NEK11: variants seen among roughly 807,000 people sequenced by gnomAD.
The protein encoded by NEK11 is serine/threonine-protein kinase Nek11.
NEK11 carries 72 observed loss-of-function variants against 80.7 expected under a neutral mutation model. The ratio of observed to expected loss-of-function variants is 0.89; its 90% CI spans 0.74 to 1.08. The LOEUF (loss-of-function observed/expected upper bound fraction) is 1.08, where lower values mean the gene tolerates loss of function less well. NEK11 is among the 50% of genes least tolerant of loss of function. NEK11 has a pLI of 0.00. For synonymous variants in NEK11, 251 were observed against 260.7 expected (o/e 0.96, Z 0.36); for missense variants, 764 against 763.6 (o/e 1.00, Z -0.01).
chr3:131,139,253 G>C (rs904560273), intron 7 of NEK11, among the ~76,000 whole-genome samples: 2 of 150,902 alleles, frequency 1.3e-5, no homozygotes, highest in Non-Finnish European at 2.9e-5. Context: ...GAATGCATCA[G>C]AGTCTCTTAA....
intron 17 of NEK11, among the ~76,000 whole-genome samples, chr3:131,298,737 T>C (rs2096628525): frequency 6.6e-6 from 1 of 152,072 alleles, no homozygotes; most frequent in East Asian, 1.9e-4. Flanking sequence ...TGTTTCTTTT[T>C]GGTGTTTATC....
intron 4 of NEK11, among the ~76,000 whole-genome samples, chr3:131,095,095 G>A (rs1002673931): frequency 1.4e-4 from 22 of 152,036 alleles, no homozygotes; most frequent in Non-Finnish European, 3.2e-4. Context: ...TTCATCATAG[G>A]TAATTTGACT....
chr3:131,257,030 G>A (rs1413185014), intron 16 of NEK11, among the ~76,000 whole-genome samples: 1 of 151,948 alleles, frequency 6.6e-6, no homozygotes, highest in African/African-American at 2.4e-5. Context: ...TATTGCCTGT[G>A]CTGGAGTACA....
intron 3 of NEK11, among the ~76,000 whole-genome samples, chr3:131,065,284 T>C (rs2071708358): frequency 6.6e-6 from 1 of 152,268 alleles, no homozygotes. Context: ...GTTGTAAGTC[T>C]TAAATGAATG....
intron 3 of NEK11, among the ~76,000 whole-genome samples, chr3:131,042,210 T>TG (rs1012499756): frequency 6.1e-5 from 7 of 113,928 alleles, no homozygotes; most frequent in Non-Finnish European, 1.6e-4. Flanking sequence ...TTTTGTTTTT[T>TG]GTTTTTTTTT....
chr3:131,279,161 A>C (rs887098340), intron 17 of NEK11, among the ~76,000 whole-genome samples: 10 of 152,020 alleles, frequency 6.6e-5, no homozygotes, highest in South Asian at 2.1e-4. Context: ...ACCTGAGGTC[A>C]GGAGTTTGAG....
intron 3 of NEK11, among the ~76,000 whole-genome samples, chr3:131,068,975 A>G (rs1050496138): frequency 2.6e-5 from 4 of 152,180 alleles, no homozygotes; most frequent in Admixed American, 2.6e-4. Flanking sequence ...AAAAAGTTGT[A>G]GCTCAAGCCT....
chr3:131,090,519 CAG>C (rs2076573195), intron 4 of NEK11, among the ~76,000 whole-genome samples: 1 of 152,138 alleles, frequency 6.6e-6, no homozygotes, highest in Non-Finnish European at 1.5e-5. Flanking sequence ...GTTAAGAAAA[CAG>C]AATATACTTA....
intron 3 of NEK11, among the ~76,000 whole-genome samples, chr3:131,048,028 C>G (rs2067694748): frequency 6.6e-6 from 1 of 152,128 alleles, no homozygotes; most frequent in African/African-American, 2.4e-5. Flanking sequence ...GCTGCCTCTG[C>G]TGCATCATGC....
Position 131,133,965 on chromosome 3 carries a change from G to GCTAGTGGGC in NEK11, c.647+10_647+18dup. 2 of 1,603,958 alleles carry GCTAGTGGGC rather than the reference G, an allele frequency of 1.2e-6. No individual in the cohort carries two copies. The highest frequency in any genetic ancestry group is 1.7e-6 in the Non-Finnish European group (2 of 1,175,174). ...ACAAAGTCGGACATCTGGTGAGTGG[G>GCTAGTGGGC]CTAGTGGGCTAGACTCTTCATCTGC... is the stretch of plus-strand genomic sequence containing the variant. On this transcript the variant is annotated intron_variant, in intron 7 of 17. Transcript: ENST00000383366.
At chr3:131,154,636 T>C (rs2090326257) in intron 9 of NEK11, among the ~76,000 whole-genome samples, 1 of 152,248 alleles carries the variant, frequency 6.6e-6, no homozygotes, top group Non-Finnish European at 1.5e-5. Context: ...TACTGAGTTT[T>C]TTGGTGCCCT....
chr3:131,097,844 G>A lies in NEK11; in HGVS notation c.337-11959G>A, dbSNP rs1351464677. Among the ~76,000 whole-genome samples the A allele has an allele frequency of 1.3e-4, 19 of 142,370 alleles. 2 individuals are homozygous for A. The highest frequency in any genetic ancestry group is 9.2e-4 in the Admixed American group (13 of 14,102). 93.4% of individuals were successfully genotyped at this position (142,370 alleles called of 152,430 possible). A position where few individuals can be genotyped will look rare whatever the true frequency, so the allele number is the denominator to read the frequency against. On this transcript the variant is annotated intron_variant, in intron 4 of 17. Coordinates refer to ENST00000383366, the MANE Select transcript of NEK11 (RefSeq NM_024800.5). ...ATGGAACCAAAAAAGAGCCCGCATCGCCAAGTCAATCCTAAGCCAAAAGAA... is the reference window on the plus strand; with the variant it reads ...ATGGAACCAAAAAAGAGCCCGCATCACCAAGTCAATCCTAAGCCAAAAGAA...
At chr3:131,177,824 A>G (rs1252210201) in intron 14 of NEK11, among the ~76,000 whole-genome samples, 1 of 152,242 alleles carries the variant, frequency 6.6e-6, no homozygotes. Context: ...AACCTATTCA[A>G]ATATCACTCA....
chr3:131,179,604 A>G (rs1262379222), intron 14 of NEK11, among the ~76,000 whole-genome samples: 1 of 152,230 alleles, frequency 6.6e-6, no homozygotes, highest in African/African-American at 2.4e-5. Flanking sequence ...ATAGAAATTT[A>G]TCTGTTTGAC....
intron 3 of NEK11, among the ~76,000 whole-genome samples, chr3:131,058,015 G>T (rs1393387477): frequency 6.6e-6 from 1 of 152,030 alleles, no homozygotes; most frequent in East Asian, 1.9e-4. Context: ...GGTTTTTATG[G>T]TTTTAGGTCT....
chr3:131,109,946 G>A (rs9850655), intron 5 of NEK11, 25 bp downstream of exon 5: 854,337 of 1,560,022 alleles, frequency 0.55, 239,753 homozygotes, highest in Middle Eastern at 0.65. Flanking sequence ...TACTGGGGGA[G>A]CATGATATAT....
intron 12 of NEK11, 45 bp downstream of exon 12, chr3:131,165,564 CT>C: frequency 7.9e-7 from 1 of 1,266,092 alleles, no homozygotes; most frequent in Non-Finnish European, 1.1e-6. Flanking sequence ...ATTTTTCTTG[CT>C]TTAGATTCAT....
chr3:131,044,327 T>C (rs371713202), intron 3 of NEK11, among the ~76,000 whole-genome samples: 1 of 149,932 alleles, frequency 6.7e-6, no homozygotes, highest in South Asian at 2.1e-4. Context: ...TCAAGACCCA[T>C]TGGTGTGCTG....
chr3:131,099,431 G>A (rs1244278055), intron 4 of NEK11, among the ~76,000 whole-genome samples: 1 of 152,120 alleles, frequency 6.6e-6, no homozygotes, highest in East Asian at 1.9e-4. Flanking sequence ...TTTTCCTTAG[G>A]ATTGCTTTGG....
Sources: allele counts gnomAD v4.1 joint callset (sites outside exome capture counted in the v4.1 genomes callset), GRCh38; gene constraint gnomAD v4.1.1; transcripts MANE v1.5; gene names NCBI Gene and HGNC (gene_info 2026-07-23, HGNC 2026-07-21).